SGCD: variants seen among roughly 807,000 people sequenced by gnomAD.
SGCD encodes the protein delta-sarcoglycan.
SGCD carries 18 observed loss-of-function variants against 36.6 expected under a neutral mutation model. That is an observed-to-expected ratio of 0.49 (90% CI 0.34 to 0.73). SGCD has a LOEUF of 0.73. Among genes scored for constraint, SGCD ranks in the 30% least tolerant of loss-of-function variants. The probability of loss-of-function intolerance (pLI) is 0.01; values close to 1 mark genes in which losing one functional copy is unlikely to be tolerated. For missense variants in SGCD, 387 were observed against 346.7 expected (o/e 1.12, Z -0.92); for synonymous variants, 133 against 130.6 (o/e 1.02, Z -0.12).
chr5:156,740,888 T>C (rs1396570566), intron 7 of SGCD, among the ~76,000 whole-genome samples: 2 of 152,162 alleles, frequency 1.3e-5, no homozygotes, highest in Admixed American at 1.3e-4. Context: ...TGCAGCTGCT[T>C]TAATTGACCA....
At chr5:156,382,275 C>T (rs1771025322) in intron 3 of SGCD, among the ~76,000 whole-genome samples, 1 of 152,094 alleles carries the variant, frequency 6.6e-6, no homozygotes, top group African/African-American at 2.4e-5. Flanking sequence ...TAAACACTCC[C>T]CTGCTGAAAG....
chr5:155,870,834 G>A (rs1045856172), intron 1 of SGCD, among the ~76,000 whole-genome samples: 5 of 152,098 alleles, frequency 3.3e-5, no homozygotes, highest in Admixed American at 6.6e-5. Flanking sequence ...CCCTTGCTCC[G>A]TCTCTGTGGG....
chr5:156,281,290 C>T (rs1022254384), intron 3 of SGCD, among the ~76,000 whole-genome samples: 34 of 152,194 alleles, frequency 2.2e-4, no homozygotes, highest in African/African-American at 8.2e-4. Flanking sequence ...AAAAAAGAAC[C>T]ATATCTGGAT....
rs78712447 is a variant in SGCD, at chr5:156,205,839, G to A, written c.-44+81820G>A. On this transcript the variant is annotated intron_variant, in intron 3 of 9. Transcript: ENST00000517913. ...TCTAGGAGTCAATGGGATTCTCGTC[G>A]TCCTAGCTCCATTACAGATGAGGTA... Among the ~76,000 whole-genome samples the A allele has an allele frequency of 3.9e-4, 59 of 151,800 alleles. No homozygotes were observed. The East Asian group carries it at 7.0e-3, about 18-fold the overall frequency.
chr5:156,523,015 A>G (rs1757479368), intron 4 of SGCD, among the ~76,000 whole-genome samples: 1 of 152,178 alleles, frequency 6.6e-6, no homozygotes, highest in African/African-American at 2.4e-5. Flanking sequence ...TGATTTTAGC[A>G]TGATGTCAAT....
intron 1 of SGCD, among the ~76,000 whole-genome samples, chr5:155,943,994 C>T (rs1329472219): frequency 6.6e-6 from 1 of 152,186 alleles, no homozygotes; most frequent in Non-Finnish European, 1.5e-5. Flanking sequence ...AGTGGTCCTC[C>T]TTCTGTCCTG....
intron 4 of SGCD, among the ~76,000 whole-genome samples, chr5:156,585,825 T>C (rs1760469626): frequency 6.6e-6 from 1 of 152,162 alleles, no homozygotes; most frequent in African/African-American, 2.4e-5. Context: ...ACTCAAGATC[T>C]TAGAATTTTG....
intron 1 of SGCD, among the ~76,000 whole-genome samples, chr5:155,957,123 G>C (rs894025198): frequency 1.3e-5 from 2 of 152,000 alleles, no homozygotes; most frequent in African/African-American, 2.4e-5. Flanking sequence ...AATGACATTT[G>C]ATGAAGATCT....
At chr5:156,147,837 G>C (rs2127613607) in intron 3 of SGCD, among the ~76,000 whole-genome samples, 2 of 152,246 alleles carry the variant, frequency 1.3e-5, no homozygotes, top group South Asian at 4.2e-4. Flanking sequence ...TCATATAGAA[G>C]GACTGCCAGG....
At chr5:156,660,241 TAGG>T (rs1329838842) in intron 7 of SGCD, among the ~76,000 whole-genome samples, 2 of 151,514 alleles carry the variant, frequency 1.3e-5, no homozygotes, top group Admixed American at 1.3e-4. Context: ...CCTAGGCAAA[TAGG>T]AGGATAACGA....
At chr5:156,606,843 CTGTT>C (rs1581244354) in intron 6 of SGCD, among the ~76,000 whole-genome samples, 1 of 152,132 alleles carries the variant, frequency 6.6e-6, no homozygotes, top group Non-Finnish European at 1.5e-5. Context: ...ATTTGGCTCT[CTGTT>C]TGTCTGTTAT....
At chr5:156,225,166 G>A (rs973551704) in intron 3 of SGCD, among the ~76,000 whole-genome samples, 2 of 151,844 alleles carry the variant, frequency 1.3e-5, no homozygotes, top group East Asian at 1.9e-4. Flanking sequence ...GCCCCTGCTC[G>A]AAAAAACACT....
intron 1 of SGCD, among the ~76,000 whole-genome samples, chr5:156,079,018 T>TAAAA (rs575699645): frequency 9.8e-6 from 1 of 102,470 alleles, no homozygotes; most frequent in Non-Finnish European, 2.1e-5. Flanking sequence ...GGGTAATTTG[T>TAAAA]AAAAAAAAAA....
At chr5:156,076,140 T>C (rs568143148) in intron 1 of SGCD, among the ~76,000 whole-genome samples, 5 of 152,198 alleles carry the variant, frequency 3.3e-5, no homozygotes, top group Admixed American at 6.5e-5. Context: ...TGATGAAAAC[T>C]CTTGAGAAAT....
intron 1 of SGCD, among the ~76,000 whole-genome samples, chr5:156,013,763 C>T (rs1758909978): frequency 6.6e-6 from 1 of 151,516 alleles, no homozygotes; most frequent in African/African-American, 2.4e-5. Flanking sequence ...TCTAATGTGT[C>T]CTTAATTTTA....
chr5:156,072,395 A>T (rs1235056422), intron 1 of SGCD, among the ~76,000 whole-genome samples: 1 of 151,988 alleles, frequency 6.6e-6, no homozygotes, highest in East Asian at 1.9e-4. Context: ...TATGAAGCTT[A>T]ATTTGGCTGG....
intron 1 of SGCD, among the ~76,000 whole-genome samples, chr5:155,936,914 G>A (rs1321430484): frequency 6.6e-6 from 1 of 152,194 alleles, no homozygotes; most frequent in Non-Finnish European, 1.5e-5. Context: ...AGGCTGCCAT[G>A]TCAGCACGGC....
At chr5:155,968,391 C>T (rs993363722) in intron 1 of SGCD, among the ~76,000 whole-genome samples, 16 of 151,962 alleles carry the variant, frequency 1.1e-4, no homozygotes, top group Non-Finnish European at 2.2e-4. Context: ...AGTCATCTCC[C>T]GTTATCTGAA....
intron 3 of SGCD, among the ~76,000 whole-genome samples, chr5:156,417,126 A>G (rs1288171938): frequency 1.3e-5 from 2 of 152,198 alleles, no homozygotes; most frequent in South Asian, 2.1e-4. Context: ...TGAGAAAACT[A>G]TTTCCACAAC....
Sources: gnomAD v4.1 joint callset for allele counts (sites outside exome capture counted in the v4.1 genomes callset) on GRCh38, gnomAD v4.1.1 for gene constraint, MANE v1.5 for transcripts, NCBI Gene and HGNC (gene_info 2026-07-23, HGNC 2026-07-21) for gene names.